PLCL2: variants seen among roughly 807,000 people sequenced by gnomAD.
PLCL2 encodes inactive phospholipase C-like protein 2.
In PLCL2, 4 loss-of-function variants were observed where a neutral mutation model predicts 79.6. The ratio of observed to expected loss-of-function variants is 0.05; its 90% CI spans 0.02 to 0.11. The LOEUF (loss-of-function observed/expected upper bound fraction) is 0.11. Ranked by LOEUF, PLCL2 falls within the 10% of genes least tolerant of loss-of-function variation. The pLI is 1.00. For synonymous variants in PLCL2, 484 were observed against 457.7 expected (o/e 1.06, Z -0.73); for missense variants, 895 against 1,291.0 (o/e 0.69, Z 4.70).
intron 3 of PLCL2, among the ~76,000 whole-genome samples, chr3:17,035,589 A>G (rs2064640356): frequency 6.6e-6 from 1 of 152,008 alleles, no homozygotes; most frequent in South Asian, 2.1e-4. Context: ...CTTTTGTGCC[A>G]TCTCCCATTT....
chr3:17,001,893 A>C (rs546167012), intron 1 of PLCL2, among the ~76,000 whole-genome samples: 49 of 152,056 alleles, frequency 3.2e-4, no homozygotes, highest in African/African-American at 1.1e-3. Flanking sequence ...TTCTGTGCAG[A>C]ATGTCATTGA....
At position 16,956,018 on chromosome 3, in the gene PLCL2, A is replaced by T. The variant is rs562641301; in HGVS notation, c.328-53656A>T. Among the ~76,000 whole-genome samples the T allele has an allele frequency of 2.7e-3, 414 of 152,282 alleles. 2 individuals carry two copies. The highest frequency in any genetic ancestry group is 4.3e-3 in the Non-Finnish European group (292 of 68,022). On this transcript the variant is annotated intron_variant, in intron 1 of 5. Transcript: ENST00000615277. ...CTCTTTTCCTAATTGAATACCCTTG[A>T]TTTCCTTCTCCTGCCTAATTGCCCT...
intron 1 of PLCL2, among the ~76,000 whole-genome samples, chr3:16,948,111 C>T (rs1204945276): frequency 6.6e-6 from 1 of 152,042 alleles, no homozygotes; most frequent in Non-Finnish European, 1.5e-5. Context: ...GTAAAAGCAG[C>T]CCAAATATTC....
chr3:16,980,711 G>A (rs1228618155), intron 1 of PLCL2, among the ~76,000 whole-genome samples: 13 of 152,330 alleles, frequency 8.5e-5, no homozygotes, highest in Middle Eastern at 3.4e-3. Flanking sequence ...AGGCGGAGAC[G>A]CCCCTCGCTT....
chr3:16,893,296 C>T lies in PLCL2; in HGVS notation c.327+7930C>T, dbSNP rs529623155. ...TTATAGTTCTATGCATTTTTAGGGT[C>T]CTGGAAGGTAAAGCAGGTAACAACT... On this transcript the variant is annotated intron_variant, in intron 1 of 5. Transcript: ENST00000615277. Among the ~76,000 whole-genome samples, 15 of 152,052 alleles carry T rather than the reference C, an allele frequency of 9.9e-5. 1 individual carries two copies. The highest frequency in any genetic ancestry group is 3.6e-4 in the African/African-American group (15 of 41,458).
chr3:17,053,594 T>G (rs2064863769), intron 4 of PLCL2, among the ~76,000 whole-genome samples: 1 of 152,214 alleles, frequency 6.6e-6, no homozygotes, highest in African/African-American at 2.4e-5. Context: ...CATTCCAGCA[T>G]TAACTCAAAA....
At chr3:16,931,654 G>T in intron 1 of PLCL2, among the ~76,000 whole-genome samples, 1 of 152,180 alleles carries the variant, frequency 6.6e-6, no homozygotes, top group African/African-American at 2.4e-5. Context: ...GTTCCAGTTC[G>T]GTTGCTGCCA....
chr3:16,935,895 T>C (rs1697527478), intron 1 of PLCL2, among the ~76,000 whole-genome samples: 1 of 152,252 alleles, frequency 6.6e-6, no homozygotes, highest in African/African-American at 2.4e-5. Context: ...TGTAAAATAT[T>C]GCCAATGGTT....
chr3:16,965,688 T>C (rs1449666219), intron 1 of PLCL2, among the ~76,000 whole-genome samples: 1 of 152,192 alleles, frequency 6.6e-6, no homozygotes, highest in Non-Finnish European at 1.5e-5. Context: ...GTATCCTCTT[T>C]TATTTCGTTG....
At chr3:16,912,429 C>T (rs913085381) in intron 1 of PLCL2, among the ~76,000 whole-genome samples, 3 of 152,130 alleles carry the variant, frequency 2.0e-5, no homozygotes, top group African/African-American at 7.2e-5. Context: ...ATTGAAGGTC[C>T]ATGTGGTATA....
intron 1 of PLCL2, among the ~76,000 whole-genome samples, chr3:16,970,828 T>G (rs1294676668): frequency 9.0e-4 from 134 of 149,000 alleles, no homozygotes; most frequent in African/African-American, 3.2e-3. Flanking sequence ...GTGAGCATTT[T>G]TTCATGTGTC....
chr3:17,077,077 TGTCTTCTCACCCC>T (rs943989661), intron 5 of PLCL2, among the ~76,000 whole-genome samples: 20 of 152,342 alleles, frequency 1.3e-4, no homozygotes, highest in African/African-American at 4.3e-4. Flanking sequence ...CTCCACACTC[TGTCTTCTCACCCC>T]AGTGGGACTG....
intron 1 of PLCL2, among the ~76,000 whole-genome samples, chr3:16,952,384 A>AAAAAAAAAAAAC (rs2063662928): frequency 6.7e-6 from 1 of 149,448 alleles, no homozygotes; most frequent in Non-Finnish European, 1.5e-5. Context: ...AAAAAAAAAA[A>AAAAAAAAAAAAC]AAAAAAAGAA....
chr3:17,028,402 G>A (rs1328465921), intron 3 of PLCL2, among the ~76,000 whole-genome samples: 1 of 151,756 alleles, frequency 6.6e-6, no homozygotes, highest in Non-Finnish European at 1.5e-5. Flanking sequence ...ACACCTTACT[G>A]TTGTTTATGC....
In PLCL2 at chr3:16,956,707, G is replaced by T. The variant is rs1007486258; in HGVS notation, c.328-52967G>T. 8.5e-5 allele frequency among the ~76,000 whole-genome samples: 13 copies of T among 152,212 alleles called. No homozygotes were observed. In the East Asian group the frequency reaches 9.7e-4, roughly 11 times the overall value. On this transcript the variant is annotated intron_variant, in intron 1 of 5. Coordinates refer to ENST00000615277, the MANE Select transcript of PLCL2 (RefSeq NM_001144382.2). ...TATTGATTATTGCCGCAATTTCAGA[G>T]CCTGTTATTGGTCTGTTCAGAGATT...
intron 1 of PLCL2, among the ~76,000 whole-genome samples, chr3:16,980,379 C>G (rs1278674108): frequency 7.0e-6 from 1 of 143,282 alleles, no homozygotes; most frequent in East Asian, 2.3e-4. Flanking sequence ...ACTTCTCAGA[C>G]AGGGCGGCTG....
chr3:16,994,390 T>G (rs1353384822), intron 1 of PLCL2, among the ~76,000 whole-genome samples: 1 of 152,170 alleles, frequency 6.6e-6, no homozygotes, highest in East Asian at 1.9e-4. Context: ...TGGAGCTTAC[T>G]ATGGGTATGA....
At chr3:16,983,219 C>T (rs1485535887) in intron 1 of PLCL2, among the ~76,000 whole-genome samples, 1 of 144,504 alleles carries the variant, frequency 6.9e-6, no homozygotes, top group Non-Finnish European at 1.5e-5. Context: ...TGTCATGATT[C>T]AGCAGTCCCT....
chr3:17,019,374 A>G (rs1483651959), intron 3 of PLCL2, among the ~76,000 whole-genome samples: 1 of 152,218 alleles, frequency 6.6e-6, no homozygotes, highest in Non-Finnish European at 1.5e-5. Context: ...GAGACCACCT[A>G]TTGAGCACCT....
Sources: gnomAD v4.1 joint callset for allele counts (sites outside exome capture counted in the v4.1 genomes callset) on GRCh38, gnomAD v4.1.1 for gene constraint, MANE v1.5 for transcripts, NCBI Gene and HGNC (gene_info 2026-07-23, HGNC 2026-07-21) for gene names.